DNAH17: variants seen among roughly 807,000 people sequenced by gnomAD.
DNAH17 encodes axonemal beta dynein heavy chain 17.
Under a neutral mutation model 485.6 loss-of-function variants are expected in DNAH17, and 376 were observed. That is an observed-to-expected ratio of 0.77 (90% CI 0.71 to 0.84). The LOEUF (loss-of-function observed/expected upper bound fraction) is 0.84. Among genes scored for constraint, DNAH17 ranks in the 40% least tolerant of loss-of-function variants. The pLI, the probability that DNAH17 is intolerant of heterozygous loss-of-function variation, is 0.00. For synonymous variants in DNAH17, 3,031 were observed against 2,405.9 expected (o/e 1.26, Z -7.60); for missense variants, 6,370 against 5,839.3 (o/e 1.09, Z -2.96).
chr17:78,532,694 C>T lies in DNAH17; in HGVS notation c.2902G>A (p.Glu968Lys). Residue 968 changes from glutamate (E) to lysine (K), a missense_variant, in exon 20 of 81, where the codon GAG becomes AAG. Transcript: ENST00000389840. ...DNTDLIEMRE[E>K]VSSLVINAMK... is the part of the protein sequence containing the mutation. ...GCATTGATGACCAGGCTGGACACCT[C>T]CTCCCTCATCTCTATGAGGTCTGTG... 1 of 1,593,102 alleles carries T rather than the reference C, an allele frequency of 6.3e-7. No individual in the cohort carries two copies. The highest frequency in any genetic ancestry group is 1.3e-5 in the African/African-American group (1 of 74,680).
chr17:78,441,684 G>C (rs904807657), intron 71 of DNAH17, among the ~76,000 whole-genome samples: 43 of 152,326 alleles, frequency 2.8e-4, no homozygotes, highest in African/African-American at 9.1e-4. Context: ...CTCCCATGGA[G>C]GACCGAGTGA....
chr17:78,449,510 G>A lies in DNAH17; in HGVS notation c.11115C>T (p.Asn3705=). Reference sequence around the variant, plus strand: ...CGGAGTAGGTGATCTCGTCCGTCAGGTTGATCACCCGCTGCTTCACCTCGT... The same window carrying A: ...CGGAGTAGGTGATCTCGTCCGTCAGATTGATCACCCGCTGCTTCACCTCGT... The part of the protein sequence containing the change: ...PANEVKQRVI[N]LTDEITYSVY... The change falls in exon 69 of 81, where the codon AAC becomes AAT. Residue 3705 remains asparagine, a synonymous_variant. Transcript: ENST00000389840. 1.9e-6 allele frequency: 3 copies of A among 1,592,708 alleles called. No individual in the cohort carries two copies. Among genetic ancestry groups the A allele is most frequent in the Non-Finnish European group, 2.6e-6 (3 of 1,169,666 alleles).
At chr17:78,518,996 G>A (rs1379810092) in intron 25 of DNAH17, among the ~76,000 whole-genome samples, 3 of 151,562 alleles carry the variant, frequency 2.0e-5, no homozygotes, top group South Asian at 2.1e-4. Flanking sequence ...GTGAAACCCC[G>A]TCTCTACTAA....
rs2088053527 is a variant in DNAH17 at position 78,460,378 on chromosome 17, ATG to A, written c.9340-123_9340-122del. On this transcript the variant is annotated intron_variant, in intron 58 of 80. Transcript: ENST00000389840. ...TGCATGTATGCACGTGCATGAGTGT[ATG>A]TGTGCATATATGTGCATGAGTGTAT... 8.2e-5 allele frequency: 25 copies of A among 303,508 alleles called. No homozygotes were observed. In the South Asian group the frequency reaches 9.0e-4, roughly 11 times the overall value. The allele number at this position is 303,508 out of a possible 1,614,324, so 18.8% of individuals were successfully genotyped here.
chr17:78,561,629 G>C (rs2092156773), intron 12 of DNAH17, 86 bp downstream of exon 12: 1 of 1,434,352 alleles, frequency 7.0e-7, no homozygotes, highest in Non-Finnish European at 9.2e-7. Flanking sequence ...CAGGAGGGGT[G>C]GTCCCGCTCG....
chr17:78,523,596 G>A (rs1448335460), intron 25 of DNAH17, among the ~76,000 whole-genome samples: 1 of 152,230 alleles, frequency 6.6e-6, no homozygotes, highest in African/African-American at 2.4e-5. Flanking sequence ...TCACCAAGGA[G>A]GATATATAGA....
At chr17:78,500,715 G>C (rs1245639891) in intron 35 of DNAH17, 1 of 287,914 alleles carries the variant, frequency 3.5e-6, no homozygotes, top group Non-Finnish European at 6.5e-6. Context: ...TGCTATGTTG[G>C]CCAGGCTGGT....
At chr17:78,516,837 G>A (rs1428098644) in intron 25 of DNAH17, among the ~76,000 whole-genome samples, 3 of 152,096 alleles carry the variant, frequency 2.0e-5, no homozygotes, top group African/African-American at 4.8e-5. Flanking sequence ...CTCCCCCTGT[G>A]TAAGAAATAT....
chr17:78,465,569 C>T (rs1204175686), intron 56 of DNAH17, among the ~76,000 whole-genome samples: 3 of 147,750 alleles, frequency 2.0e-5, no homozygotes, highest in Admixed American at 2.0e-4. Context: ...GTGGGGAGCG[C>T]CTCTGCCCCG....
In DNAH17 at chr17:78,485,562, C is replaced by A; in HGVS notation, c.7471G>T (p.Ala2491Ser). The change falls in exon 47 of 81, where the codon GCC becomes TCC. Residue 2491 changes from alanine (A) to serine (S), a missense_variant. Transcript: ENST00000389840. ...AVPFNFYTTS[A>S]MLQGVLEKPL... Reference sequence around the variant, plus strand: ...GGACCAGCCTCACCCTGCAGCATGGCTGAGGTCGTGTAGAAGTTGAAGGGC... The same window carrying A: ...GGACCAGCCTCACCCTGCAGCATGGATGAGGTCGTGTAGAAGTTGAAGGGC... The A allele has an allele frequency of 1.9e-6, 3 of 1,610,556 alleles. No individual in the cohort carries two copies. The Admixed American group carries it at 5.0e-5, about 27-fold the overall frequency.
In DNAH17 at chr17:78,510,368, C is replaced by A. The variant is rs377005886; in HGVS notation, c.4236+16G>T. Reference sequence around the variant, plus strand: ...TGATCCCACGTTGCACAGACAGCACCGCCAGCACGGCCTACCTTTTCCATG... The same window carrying A: ...TGATCCCACGTTGCACAGACAGCACAGCCAGCACGGCCTACCTTTTCCATG... On this transcript the variant is annotated intron_variant, in intron 27 of 80. Coordinates refer to ENST00000389840, the MANE Select transcript of DNAH17 (RefSeq NM_173628.4). 4 of 1,611,050 alleles carry A rather than the reference C, an allele frequency of 2.5e-6. No individual in the cohort carries two copies. In the East Asian group the frequency reaches 8.9e-5, roughly 36 times the overall value.
intron 16 of DNAH17, among the ~76,000 whole-genome samples, chr17:78,545,374 C>T (rs1176024073): frequency 6.6e-6 from 1 of 152,140 alleles, no homozygotes; most frequent in Non-Finnish European, 1.5e-5. Context: ...TACTAGGGGG[C>T]TTAAGCAACA....
intron 77 of DNAH17, among the ~76,000 whole-genome samples, chr17:78,427,889 C>A (rs551883334): frequency 1.4e-4 from 21 of 150,436 alleles, no homozygotes; most frequent in Non-Finnish European, 2.8e-4. Context: ...TCGCTTGAAC[C>A]TGGGAGGCGG....
In DNAH17 at chr17:78,496,173, G is replaced by C; in HGVS notation, c.5746-141C>G. ...CCTCCTAGTTTATTTTTTAAATTAA[G>C]CCTTTTATTTTTGAGAAAGTTGTAG... is the stretch of plus-strand genomic sequence containing the variant. On this transcript the variant is annotated intron_variant, in intron 37 of 80. Coordinates refer to ENST00000389840, the MANE Select transcript of DNAH17 (RefSeq NM_173628.4). 3.0e-6 allele frequency: 3 copies of C among 988,786 alleles called. No homozygotes were observed. In the South Asian group the frequency reaches 5.8e-5, roughly 19 times the overall value. The allele number at this position is 988,786 out of a possible 1,614,324, so 61.3% of individuals were successfully genotyped here.
chr17:78,567,137 C>T lies in DNAH17; in HGVS notation c.1314G>A (p.Leu438=), dbSNP rs1242599549. 1 of 1,608,072 alleles carries T rather than the reference C, an allele frequency of 6.2e-7. No homozygotes were observed. ...CCCCAAGCTCGATTTTCTCCAGCTT[C>T]AGAAACTCAATTGCTGTTTTATAGA... The part of the protein sequence containing the change: ...EELYKTAIEF[L]KLEKIELGGV... Residue 438 remains leucine, a synonymous_variant, in exon 10 of 81, where the codon CTG becomes CTA. Coordinates refer to ENST00000389840, the MANE Select transcript of DNAH17 (RefSeq NM_173628.4).
In DNAH17 at chr17:78,441,351, C is replaced by T. The variant is rs691520; in HGVS notation, c.11529-152G>A. On this transcript the variant is annotated intron_variant, in intron 71 of 80. Coordinates refer to ENST00000389840, the MANE Select transcript of DNAH17 (RefSeq NM_173628.4). ...TGTGGCAGGAGAGCAGAGTCTTTACCGGGCTTTCCTTTCTGCGAGGGATTG... is the reference window on the plus strand; with the variant it reads ...TGTGGCAGGAGAGCAGAGTCTTTACTGGGCTTTCCTTTCTGCGAGGGATTG... 0.019 allele frequency among the ~76,000 whole-genome samples: 2,895 copies of T among 152,202 alleles called. 92 individuals are homozygous for T. Among genetic ancestry groups the T allele is most frequent in the African/African-American group, 0.063 (2,622 of 41,508 alleles).
At chr17:78,462,228 T>C (rs1324241485) in intron 57 of DNAH17, among the ~76,000 whole-genome samples, 1 of 62,728 alleles carries the variant, frequency 1.6e-5, no homozygotes, top group Non-Finnish European at 3.0e-5. Context: ...TCCAGGCTGG[T>C]GGGAGAGTGA....
chr17:78,573,671 C>T (rs2092392907), intron 2 of DNAH17, among the ~76,000 whole-genome samples: 1 of 151,052 alleles, frequency 6.6e-6, no homozygotes, highest in Non-Finnish European at 1.5e-5. Flanking sequence ...GGTGTCCTTA[C>T]GAGGAGGGGA....
intron 30 of DNAH17, 101 bp from the exon 31 acceptor site, chr17:78,505,546 G>C (rs1434417002): frequency 7.0e-7 from 1 of 1,438,838 alleles, no homozygotes; most frequent in Non-Finnish European, 9.6e-7. Flanking sequence ...GTTCTTTTTG[G>C]AATATACTCC....
Sources: allele counts gnomAD v4.1 joint callset (sites outside exome capture counted in the v4.1 genomes callset), GRCh38; gene constraint gnomAD v4.1.1; transcripts MANE v1.5; gene names NCBI Gene and HGNC (gene_info 2026-07-23, HGNC 2026-07-21).